ZMAT4: variants seen among roughly 807,000 people sequenced by gnomAD.
The protein encoded by ZMAT4 is zinc finger matrin-type 4.
A neutral mutation model predicts 28.7 loss-of-function variants in ZMAT4; 17 were observed. That is an observed-to-expected ratio of 0.59 (90% confidence interval 0.41 to 0.89). The LOEUF (loss-of-function observed/expected upper bound fraction) is 0.89. Ranked by LOEUF, ZMAT4 falls within the 40% of genes least tolerant of loss-of-function variation. The probability of loss-of-function intolerance (pLI) is 0.00; values close to 1 mark genes in which losing one functional copy is unlikely to be tolerated. For synonymous variants in ZMAT4, 117 were observed against 109.2 expected, an observed-to-expected ratio of 1.07 and a Z score of -0.44; for missense variants, 240 against 283.8, an observed-to-expected ratio of 0.85 and a Z score of 1.11.
chr8:40,879,333 G>A (rs558181404), intron 1 of ZMAT4, among the ~76,000 whole-genome samples: 2 of 152,290 alleles, frequency 1.3e-5, no homozygotes, highest in African/African-American at 2.4e-5. Context: ...TGAGGCAGAG[G>A]GAGCCCTTGA....
chr8:40,603,944 GTCTATT>G (rs1005552869), intron 5 of ZMAT4, among the ~76,000 whole-genome samples: 6 of 152,200 alleles, frequency 3.9e-5, no homozygotes, highest in African/African-American at 1.2e-4. Flanking sequence ...CCTTGATTAG[GTCTATT>G]TCTAAGTATT....
chr8:40,611,850 T>A (rs768910195), intron 5 of ZMAT4, among the ~76,000 whole-genome samples: 1 of 152,176 alleles, frequency 6.6e-6, no homozygotes, highest in Non-Finnish European at 1.5e-5. Flanking sequence ...GAAAAATAAA[T>A]TTTACTATCA....
At chr8:40,710,791 T>C (rs550153134) in intron 3 of ZMAT4, among the ~76,000 whole-genome samples, 2 of 151,162 alleles carry the variant, frequency 1.3e-5, no homozygotes, top group Non-Finnish European at 3.0e-5. Flanking sequence ...AGACTTTTCT[T>C]TTTTTTTTGA....
At chr8:40,584,319 A>G (rs1804590380) in intron 5 of ZMAT4, among the ~76,000 whole-genome samples, 1 of 152,150 alleles carries the variant, frequency 6.6e-6, no homozygotes, top group Non-Finnish European at 1.5e-5. Context: ...AGAAAAGCAA[A>G]AGCTCCAGGC....
chr8:40,720,896 G>A (rs1295463964), intron 3 of ZMAT4, among the ~76,000 whole-genome samples: 1 of 152,124 alleles, frequency 6.6e-6, no homozygotes, highest in South Asian at 2.1e-4. Flanking sequence ...GGGAAGGGGG[G>A]GAAATAGAGG....
chr8:40,870,683 C>T (rs1385950630), intron 1 of ZMAT4, among the ~76,000 whole-genome samples: 1 of 152,122 alleles, frequency 6.6e-6, no homozygotes, highest in Admixed American at 6.5e-5. Flanking sequence ...TTTCTGGCAC[C>T]AACATGTCCT....
At position 40,757,849 on chromosome 8, in the gene ZMAT4, C is replaced by T. The variant is rs377671799; in HGVS notation, c.192+9792G>A. ...GTGGACTGGGAGAGGCAGACCCACC[C>T]TCAGTCTGGGTGGGCACCATCTAAT... On this transcript the variant is annotated intron_variant, in intron 3 of 6. Coordinates refer to ENST00000297737, the MANE Select transcript of ZMAT4 (RefSeq NM_024645.3). Among the ~76,000 whole-genome samples, 6 of 152,154 alleles carry T rather than the reference C, an allele frequency of 3.9e-5. No individual in the cohort carries two copies. The East Asian group carries it at 7.8e-4, about 20-fold the overall frequency.
chr8:40,689,045 C>G (rs538202902), intron 4 of ZMAT4, among the ~76,000 whole-genome samples: 1 of 152,356 alleles, frequency 6.6e-6, no homozygotes, highest in East Asian at 1.9e-4. Flanking sequence ...GAGACCGGAG[C>G]AGCTTAAAAA....
chr8:40,738,554 T>C (rs56847872), intron 3 of ZMAT4, among the ~76,000 whole-genome samples: 1 of 152,110 alleles, frequency 6.6e-6, no homozygotes, highest in Non-Finnish European at 1.5e-5. Flanking sequence ...AGTAAAAGCA[T>C]GCAAGCAGCA....
At chr8:40,562,335 T>C (rs917727015) in intron 6 of ZMAT4, among the ~76,000 whole-genome samples, 1 of 152,140 alleles carries the variant, frequency 6.6e-6, no homozygotes, top group Non-Finnish European at 1.5e-5. Context: ...CCATCATCAA[T>C]GATTATCAGT....
At chr8:40,874,516 G>A (rs1050378432) in intron 1 of ZMAT4, among the ~76,000 whole-genome samples, 3 of 152,180 alleles carry the variant, frequency 2.0e-5, no homozygotes, top group African/African-American at 7.2e-5. Flanking sequence ...CTCACAGTTG[G>A]GTCTCTGGCA....
intron 5 of ZMAT4, among the ~76,000 whole-genome samples, chr8:40,592,160 G>A (rs77150564): frequency 0.07 from 10,664 of 152,130 alleles, 462 homozygotes; most frequent in East Asian, 0.16. Context: ...CAGCTCTTAG[G>A]GTGTCCCAAG....
At chr8:40,582,796 A>C (rs1298602883) in intron 5 of ZMAT4, among the ~76,000 whole-genome samples, 1 of 152,226 alleles carries the variant, frequency 6.6e-6, no homozygotes, top group Non-Finnish European at 1.5e-5. Flanking sequence ...AGTGCCCAGC[A>C]CATAACAAGT....
chr8:40,621,076 C>T (rs1403488814), intron 5 of ZMAT4, among the ~76,000 whole-genome samples: 1 of 152,174 alleles, frequency 6.6e-6, no homozygotes, highest in Non-Finnish European at 1.5e-5. Context: ...GGTCTCTGCC[C>T]TTCTAGCCTA....
At chr8:40,575,634 T>A (rs911500350) in intron 6 of ZMAT4, among the ~76,000 whole-genome samples, 1 of 151,842 alleles carries the variant, frequency 6.6e-6, no homozygotes, top group African/African-American at 2.4e-5. Flanking sequence ...TCTATTCTAC[T>A]GAGACTCTGG....
intron 1 of ZMAT4, among the ~76,000 whole-genome samples, chr8:40,849,614 G>A (rs1329014745): frequency 6.6e-6 from 1 of 152,122 alleles, no homozygotes; most frequent in Non-Finnish European, 1.5e-5. Flanking sequence ...CAAGAAAAGG[G>A]TGGGGAGAGA....
At chr8:40,765,737 T>C (rs1229076010) in intron 3 of ZMAT4, among the ~76,000 whole-genome samples, 1 of 152,178 alleles carries the variant, frequency 6.6e-6, no homozygotes. Flanking sequence ...CTTGAGCCTG[T>C]ACAACTACAA....
intron 3 of ZMAT4, among the ~76,000 whole-genome samples, chr8:40,705,930 T>C (rs192063515): frequency 4.9e-4 from 74 of 152,348 alleles, no homozygotes; most frequent in Middle Eastern, 6.8e-3. Flanking sequence ...TATTTCACAC[T>C]GATAGCACAT....
chr8:40,670,356 C>G (rs147351597), intron 5 of ZMAT4, among the ~76,000 whole-genome samples: 2 of 152,306 alleles, frequency 1.3e-5, no homozygotes, highest in African/African-American at 4.8e-5. Flanking sequence ...TAAATTTTAA[C>G]CTTTACTTCA....
Sources: allele counts gnomAD v4.1 joint callset (sites outside exome capture counted in the v4.1 genomes callset), GRCh38; gene constraint gnomAD v4.1.1; transcripts MANE v1.5; gene names NCBI Gene and HGNC (gene_info 2026-07-23, HGNC 2026-07-21).